OR56A3: variants seen among roughly 807,000 people sequenced by gnomAD.
OR56A3 encodes the protein olfactory receptor family 56 subfamily A member 3.
OR56A3 carries 23 observed loss-of-function variants against 17.5 expected under a neutral mutation model. The observed-to-expected ratio is 1.32, with a 90% CI of 0.95 to 1.87. The LOEUF is 1.87. Ranked by LOEUF, OR56A3 falls within the 40% of genes most tolerant of loss-of-function variation. The pLI is 0.00. For synonymous variants in OR56A3, 175 were observed against 150.6 expected (o/e 1.16, Z -1.19); for missense variants, 366 against 380.1 (o/e 0.96, Z 0.31).
At chr11:5,957,978 AT>A in the OR56A3 span, among the ~76,000 whole-genome samples, 4 of 152,134 alleles carry the variant, frequency 2.6e-5, no homozygotes, top group Non-Finnish European at 4.4e-5. Context: ...CCTTCTAAGT[AT>A]TTTTGTGTGT....
At chr11:5,956,734 T>G in the OR56A3 span, among the ~76,000 whole-genome samples, 4 of 152,182 alleles carry the variant, frequency 2.6e-5, no homozygotes, top group Non-Finnish European at 4.4e-5. Context: ...GATACAAAGA[T>G]GTTTTGGGTT....
At chr11:5,986,995 T>G in the OR56A3 span, 1 of 1,474,348 alleles carries the variant, frequency 6.8e-7, no homozygotes, top group Non-Finnish European at 9.2e-7. Context: ...CTGAGAAGAA[T>G]AAAGTGACTT....
the OR56A3 span, among the ~76,000 whole-genome samples, chr11:5,991,134 A>G: frequency 6.6e-6 from 1 of 152,230 alleles, no homozygotes; most frequent in Non-Finnish European, 1.5e-5. Flanking sequence ...CTATGCAGCT[A>G]AAATTTTCCA....
the OR56A3 span, among the ~76,000 whole-genome samples, chr11:5,961,116 G>A: frequency 1.1e-4 from 16 of 150,352 alleles, no homozygotes; most frequent in African/African-American, 2.0e-4. Flanking sequence ...CCGGCCAGCC[G>A]CCCCGTCCGG....
the OR56A3 span, chr11:6,000,455 G>C: frequency 2.0e-5 from 3 of 152,188 alleles, no homozygotes; most frequent in African/African-American, 7.2e-5. Context: ...ACACACCGGG[G>C]ACTGTTGTGG....
the OR56A3 span, chr11:5,986,660 G>A: frequency 6.2e-7 from 1 of 1,613,848 alleles, no homozygotes; most frequent in Non-Finnish European, 8.5e-7. Context: ...GAGGAGGCCA[G>A]AACCAGGTCG....
chr11:5,997,037 G>A, the OR56A3 span, among the ~76,000 whole-genome samples: 3 of 152,274 alleles, frequency 2.0e-5, no homozygotes, highest in African/African-American at 7.2e-5. Context: ...TCTCTAGGAG[G>A]GGTGAATTAT....
chr11:5,974,589 G>T, the OR56A3 span, among the ~76,000 whole-genome samples: 9 of 152,282 alleles, frequency 5.9e-5, no homozygotes, highest in Admixed American at 1.3e-4. Flanking sequence ...AGGCAAAATG[G>T]AACATTAAAT....
chr11:5,989,383 G>C, the OR56A3 span, among the ~76,000 whole-genome samples: 2 of 151,700 alleles, frequency 1.3e-5, no homozygotes, highest in African/African-American at 4.8e-5. Context: ...TAGCCCTGGG[G>C]CTGCTGAAAT....
chr11:5,988,585 C>A, the OR56A3 span, among the ~76,000 whole-genome samples: 2 of 152,126 alleles, frequency 1.3e-5, no homozygotes, highest in African/African-American at 2.4e-5. Context: ...GATTAGTCTA[C>A]AAATTATAGT....
the OR56A3 span, among the ~76,000 whole-genome samples, chr11:6,005,525 C>T: frequency 5.3e-5 from 8 of 152,164 alleles, no homozygotes; most frequent in Non-Finnish European, 1.0e-4. Flanking sequence ...TGTAGGAAAT[C>T]ACAGAATATT....
the OR56A3 span, among the ~76,000 whole-genome samples, chr11:5,995,286 C>G: frequency 1.1e-4 from 16 of 152,230 alleles, no homozygotes; most frequent in Non-Finnish European, 2.2e-4. Flanking sequence ...ACTAAATCTT[C>G]AAAATCAGAT....
At chr11:5,965,733 T>TAC in the OR56A3 span, among the ~76,000 whole-genome samples, 1 of 152,186 alleles carries the variant, frequency 6.6e-6, no homozygotes, top group African/African-American at 2.4e-5. Flanking sequence ...CAAAGGGAGA[T>TAC]ACACACATGA....
At chr11:5,978,950 C>T in the OR56A3 span, among the ~76,000 whole-genome samples, 3 of 151,976 alleles carry the variant, frequency 2.0e-5, no homozygotes, top group African/African-American at 7.2e-5. Context: ...TATCAAAAGA[C>T]TTTTCTGTCT....
chr11:6,012,859 G>A, the OR56A3 span, among the ~76,000 whole-genome samples: 3 of 152,256 alleles, frequency 2.0e-5, no homozygotes, highest in Non-Finnish European at 4.4e-5. Flanking sequence ...CAGCCAAGGT[G>A]GCAGGGCCTG....
chr11:6,002,035 C>A, the OR56A3 span: 1 of 1,540,022 alleles, frequency 6.5e-7, no homozygotes, highest in Non-Finnish European at 8.7e-7. Context: ...AAAGGTGGAT[C>A]TAATCCTTTT....
the OR56A3 span, among the ~76,000 whole-genome samples, chr11:5,975,689 GCA>G: frequency 2.0e-5 from 3 of 151,956 alleles, no homozygotes; most frequent in Non-Finnish European, 4.4e-5. Flanking sequence ...TGTCTTTATA[GCA>G]GCATGATTTA....
chr11:5,993,786 T>C, the OR56A3 span: 2 of 253,416 alleles, frequency 7.9e-6, no homozygotes, highest in African/African-American at 4.5e-5. Flanking sequence ...TAAAGTATTA[T>C]CACTTTAACA....
chr11:5,983,283 A>G, the OR56A3 span, among the ~76,000 whole-genome samples: 6 of 151,990 alleles, frequency 3.9e-5, no homozygotes, highest in Non-Finnish European at 8.8e-5. Flanking sequence ...CTTTTGCTAT[A>G]TGTACTTTTC....
Sources: gnomAD v4.1 joint callset for allele counts (sites outside exome capture counted in the v4.1 genomes callset) on GRCh38, gnomAD v4.1.1 for gene constraint, MANE v1.5 for transcripts, NCBI Gene and HGNC (gene_info 2026-07-23, HGNC 2026-07-21) for gene names.